PCDHGB7: variants seen among roughly 807,000 people sequenced by gnomAD.
PCDHGB7 encodes the protein protocadherin gamma subfamily B, 7.
Under a neutral mutation model 61.4 loss-of-function variants are expected in PCDHGB7, and 37 were observed. The ratio of observed to expected loss-of-function variants is 0.60; its 90% CI spans 0.46 to 0.79. The LOEUF is 0.79. Ranked by LOEUF, PCDHGB7 falls within the 30% of genes least tolerant of loss-of-function variation. The probability of loss-of-function intolerance (pLI) is 0.00; values close to 1 mark genes in which losing one functional copy is unlikely to be tolerated. For synonymous variants in PCDHGB7, 464 were observed against 503.5 expected (o/e 0.92, Z 1.05); for missense variants, 1,166 against 1,202.5 (o/e 0.97, Z 0.45).
chr5:141,501,228 A>G (rs1054674676), intron 2 of PCDHGB7, among the ~76,000 whole-genome samples: 10 of 149,588 alleles, frequency 6.7e-5, no homozygotes, highest in African/African-American at 2.5e-4. Context: ...TAGATTTCTC[A>G]GTTTTTTGAG....
At chr5:141,421,169 T>G in intron 1 of PCDHGB7, 2 of 1,340,600 alleles carry the variant, frequency 1.5e-6, no homozygotes, top group South Asian at 1.5e-5. Flanking sequence ...CATAGATACA[T>G]AAGCCGATTC....
At position 141,444,152 on chromosome 5, in the gene PCDHGB7, A is replaced by ATTT. The variant is rs747671382; in HGVS notation, c.2415+23912_2415+23914dup. 1.9e-3 allele frequency among the ~76,000 whole-genome samples: 66 copies of ATTT among 33,898 alleles called. 23 individuals are homozygous for ATTT. Among genetic ancestry groups the ATTT allele is most frequent in the African/African-American group, 4.6e-3 (33 of 7,184 alleles). The allele number at this position is 33,898 out of a possible 152,430, so 22.2% of individuals were successfully genotyped here. A position where few individuals can be genotyped will look rare whatever the true frequency, so the allele number is the denominator to read the frequency against. On this transcript the variant is annotated intron_variant, in intron 1 of 3. Transcript: ENST00000398594. Reference sequence around the variant, plus strand: ...GATATGTGTCACTTGTGTGTACTGGATTTTTTTTTTTTTTTTTTTTTTTTT... The same window carrying ATTT: ...GATATGTGTCACTTGTGTGTACTGGATTTTTTTTTTTTTTTTTTTTTTTTTTTT...
At chr5:141,502,074 C>G (rs73794927) in intron 2 of PCDHGB7, among the ~76,000 whole-genome samples, 1,657 of 152,272 alleles carry the variant, frequency 0.011, 27 homozygotes, top group African/African-American at 0.037. Flanking sequence ...CCCCCTTCAC[C>G]TGGGGCTGAG....
chr5:141,420,089 A>G lies in PCDHGB7; in HGVS notation c.2230A>G (p.Ser744Gly). The change falls in exon 1 of 4, where the codon AGT (serine) becomes GGT (glycine). Residue 744 changes from serine to glycine, a missense_variant. By Grantham distance (56) the Ser-to-Gly change is moderately conservative. Transcript: ENST00000398594. The stretch of plus-strand genomic sequence containing the variant: ...CGGACCTGTGGGTCCCCCCAACTAC[A>G]GTGAGGGAACGTTGCCCTATGCCTA... ...KSGPVGPPNY[S>G]EGTLPYAYNF... 2.5e-6 allele frequency: 4 copies of G among 1,613,986 alleles called. No individual in the cohort carries two copies. Among genetic ancestry groups the G allele is most frequent in the Middle Eastern group, 1.6e-4 (1 of 6,062 alleles).
Position 141,486,266 on chromosome 5 carries a change from C to G in PCDHGB7, c.2416-8541C>G, listed in dbSNP as rs1311684194. On this transcript the variant is annotated intron_variant, in intron 1 of 3. Transcript: ENST00000398594. The surrounding 1 kb of genome is among the most constrained non-coding windows in gnomAD (Gnocchi z 5.0). Reference sequence around the variant, plus strand: ...TGGAACCCTCCCCGAGAGTGCAGAACCTGGCACTGTGGTGGCACTTATCAG... The same window carrying G: ...TGGAACCCTCCCCGAGAGTGCAGAAGCTGGCACTGTGGTGGCACTTATCAG... 1 of 1,614,098 alleles carries G rather than the reference C, an allele frequency of 6.2e-7. No individual in the cohort carries two copies.
At chr5:141,441,764 C>T (rs1407504024) in intron 1 of PCDHGB7, 1 of 384,478 alleles carries the variant, frequency 2.6e-6, no homozygotes, top group South Asian at 2.1e-5. Context: ...TGAGCCTGCG[C>T]GTGTTGGTGG....
Position 141,485,992 on chromosome 5 carries a change from C to T in PCDHGB7, c.2416-8815C>T. The T allele has an allele frequency of 6.2e-7, 1 of 1,614,156 alleles. No individual in the cohort carries two copies. The highest frequency in any genetic ancestry group is 2.2e-5 in the East Asian group (1 of 44,870). On this transcript the variant is annotated intron_variant, in intron 1 of 3. Coordinates refer to ENST00000398594, the MANE Select transcript of PCDHGB7 (RefSeq NM_018927.4). The surrounding 1 kb of genome is among the most constrained non-coding windows in gnomAD (Gnocchi z 5.7). ...ATGCCTCAGACCCGGACCTGGGTCC[C>T]AGTGGTAACGTCACCTTTTATTTCA...
intron 1 of PCDHGB7, among the ~76,000 whole-genome samples, chr5:141,484,170 A>G (rs962978452): frequency 6.6e-6 from 1 of 152,210 alleles, no homozygotes; most frequent in Non-Finnish European, 1.5e-5. Context: ...TTGGTAGCTG[A>G]TCTCAATCAT....
intron 1 of PCDHGB7, among the ~76,000 whole-genome samples, chr5:141,449,056 G>A (rs149442150): frequency 6.6e-6 from 1 of 152,068 alleles, no homozygotes; most frequent in African/African-American, 2.4e-5. Flanking sequence ...TCATAAATGA[G>A]CGCTATTGAA....
intron 1 of PCDHGB7, chr5:141,421,637 A>T: frequency 6.2e-7 from 1 of 1,613,810 alleles, no homozygotes; most frequent in Non-Finnish European, 8.5e-7. Flanking sequence ...TTCCAGGAGG[A>T]CGAAGTGGAG....
At chr5:141,427,361 A>C in intron 1 of PCDHGB7, 1 of 457,772 alleles carries the variant, frequency 2.2e-6, no homozygotes, top group Non-Finnish European at 4.4e-6. Flanking sequence ...AGGACGCAGA[A>C]CCCTGGACGG....
At chr5:141,437,764 A>G (rs1408729040) in intron 1 of PCDHGB7, among the ~76,000 whole-genome samples, 1 of 149,226 alleles carries the variant, frequency 6.7e-6, no homozygotes, top group Non-Finnish European at 1.5e-5. Flanking sequence ...TTTGAGACAG[A>G]GTCTCAATCT....
chr5:141,469,376 A>T (rs572466149), intron 1 of PCDHGB7, among the ~76,000 whole-genome samples: 1 of 152,232 alleles, frequency 6.6e-6, no homozygotes, highest in East Asian at 1.9e-4. Flanking sequence ...AGAGATCGAG[A>T]CCATCCTGGC....
Position 141,453,270 on chromosome 5 carries a change from T to C in PCDHGB7, c.2415+32996T>C, listed in dbSNP as rs1592250907. 4.6e-5 allele frequency among the ~76,000 whole-genome samples: 7 copies of C among 152,146 alleles called. No homozygotes were observed. In the South Asian group the frequency reaches 1.5e-3, roughly 32 times the overall value. On this transcript the variant is annotated intron_variant, in intron 1 of 3. Transcript: ENST00000398594. The stretch of plus-strand genomic sequence containing the variant: ...CTGGGGCTGCAAGTGCACACCACCA[T>C]GACTGGCTAATTTTTTAATTATTTA...
intron 1 of PCDHGB7, chr5:141,427,514 G>A (rs1193674497): frequency 1.7e-6 from 1 of 595,712 alleles, no homozygotes; most frequent in Non-Finnish European, 3.2e-6. Context: ...CCCTGGATTG[G>A]GAGCGGATCC....
At chr5:141,434,338 G>A (rs1037038534) in intron 1 of PCDHGB7, among the ~76,000 whole-genome samples, 5 of 152,086 alleles carry the variant, frequency 3.3e-5, no homozygotes, top group East Asian at 1.9e-4. Context: ...TCTTTGTGTC[G>A]GGAACAGGCC....
chr5:141,490,042 G>A lies in PCDHGB7; in HGVS notation c.2416-4765G>A. On this transcript the variant is annotated intron_variant, in intron 1 of 3. Transcript: ENST00000398594. This position sits in a 1 kb window ranked among gnomAD's most constrained non-coding sequence, Gnocchi z 5.4. ...TCTGCTGCTCCGCCTCAATGCCACT[G>A]ATCCAGACGAGGGCACCAACGGCCA... The A allele has an allele frequency of 6.2e-7, 1 of 1,614,266 alleles. No homozygotes were observed. Among genetic ancestry groups the A allele is most frequent in the Non-Finnish European group, 8.5e-7 (1 of 1,180,038 alleles).
intron 1 of PCDHGB7, among the ~76,000 whole-genome samples, chr5:141,480,796 C>G (rs1007525949): frequency 2.6e-5 from 4 of 152,074 alleles, no homozygotes; most frequent in African/African-American, 7.2e-5. Flanking sequence ...ATTTGAAAAC[C>G]ACAGCTTTGG....
chr5:141,511,320 A>G lies in PCDHGB7; in HGVS notation c.*147A>G. ...CATGCTCCCCTTGGGAAACAGAAAC[A>G]AGTGCCCAGTCAGCACCTACCCCTT... On this transcript the variant is annotated 3_prime_UTR_variant, in exon 4 of 4. Transcript: ENST00000398594. 6.8e-7 allele frequency: 1 copy of G among 1,475,678 alleles called. No homozygotes were observed. The highest frequency in any genetic ancestry group is 1.4e-5 in the South Asian group (1 of 72,746). 91.4% of individuals were successfully genotyped at this position (1,475,678 alleles called of 1,614,324 possible).
Sources: allele counts gnomAD v4.1 joint callset (sites outside exome capture counted in the v4.1 genomes callset), GRCh38; gene constraint gnomAD v4.1.1; non-coding constraint Gnocchi (gnomAD v3.1); transcripts MANE v1.5; gene names NCBI Gene and HGNC (gene_info 2026-07-23, HGNC 2026-07-21).